The following ZNF578 variants were observed in gnomAD, a reference collection of about 807,000 sequenced individuals.
ZNF578 encodes the protein zinc finger protein 578.
In ZNF578, 8 loss-of-function variants were observed where a neutral mutation model predicts 8.3. The ratio of observed to expected loss-of-function variants is 0.96; its 90% CI spans 0.56 to 1.74. ZNF578 has a LOEUF of 1.74. Ranked by LOEUF, ZNF578 falls within the 40% of genes most tolerant of loss-of-function variation. The pLI is 0.00. For missense variants in ZNF578, 726 were observed against 707.5 expected (o/e 1.03, Z -0.30); for synonymous variants, 206 against 232.2 (o/e 0.89, Z 1.03).
intron 1 of ZNF578, chr19:52,454,720 G>T (rs1025355208): frequency 1.3e-5 from 2 of 152,202 alleles, no homozygotes; most frequent in African/African-American, 2.4e-5. Context: ...TACTACTTGT[G>T]TACAGCTTCT....
rs2059461571 is a variant in ZNF578 at position 52,513,898 on chromosome 19, AC to A, written c.*1746del. 6.6e-6 allele frequency among the ~76,000 whole-genome samples: 1 copy of A among 152,006 alleles called. No individual in the cohort carries two copies. The highest frequency in any genetic ancestry group is 2.1e-4 in the South Asian group (1 of 4,824). ...AAGTTAGCCAGGGGTGGGGGTGTGC[AC>A]CTTTAGTTCCAGCTACTTGGGACAC... is the stretch of plus-strand genomic sequence containing the variant. On this transcript the variant is annotated 3_prime_UTR_variant, in exon 6 of 6. Coordinates refer to ENST00000421239, the MANE Select transcript of ZNF578 (RefSeq NM_001099694.2).
At chr19:52,471,455 C>G (rs2059291550) in intron 2 of ZNF578, among the ~76,000 whole-genome samples, 1 of 152,186 alleles carries the variant, frequency 6.6e-6, no homozygotes, top group Non-Finnish European at 1.5e-5. Flanking sequence ...AATACAATTA[C>G]TAACACATTT....
chr19:52,504,900 T>A (rs200789904), intron 5 of ZNF578, 119 bp downstream of exon 5: 13 of 665,738 alleles, frequency 2.0e-5, no homozygotes, highest in South Asian at 6.9e-5. Flanking sequence ...TGATTGTTTG[T>A]TTGGTTTGAG....
chr19:52,472,451 T>G (rs1413651380), intron 2 of ZNF578, among the ~76,000 whole-genome samples: 1 of 152,230 alleles, frequency 6.6e-6, no homozygotes, highest in African/African-American at 2.4e-5. Flanking sequence ...CTCTCTACTC[T>G]GATATAACTG....
chr19:52,514,493 T>C lies in ZNF578; in HGVS notation c.*2339T>C, dbSNP rs1373586041. On this transcript the variant is annotated 3_prime_UTR_variant, in exon 6 of 6. Transcript: ENST00000421239. Reference sequence around the variant, plus strand: ...GACCTTTTAAATAAACATCAAAATGTAGTTTAAGCAGTTAGTCTGTTTTTC... The same window carrying C: ...GACCTTTTAAATAAACATCAAAATGCAGTTTAAGCAGTTAGTCTGTTTTTC... Among the ~76,000 whole-genome samples, 1 of 152,206 alleles carries C rather than the reference T, an allele frequency of 6.6e-6. No individual in the cohort carries two copies. Among genetic ancestry groups the C allele is most frequent in the Non-Finnish European group, 1.5e-5 (1 of 68,034 alleles).
Position 52,511,086 on chromosome 19 carries a change from G to A in ZNF578, c.705G>A (p.Glu235=), listed in dbSNP as rs777931302. The A allele has an allele frequency of 1.7e-5, 28 of 1,614,046 alleles. 1 individual carries two copies. The South Asian group carries it at 3.1e-4, about 18-fold the overall frequency. ...HMREKSFQCN[E]TGEAFNCSSF... ...GAGAAAAATCTTTCCAATGTAATGA[G>A]ACTGGCGAAGCCTTTAATTGTAGCT... Residue 235 remains glutamate (E), a synonymous_variant, in exon 6 of 6, where the codon GAG becomes GAA. Coordinates refer to ENST00000421239, the MANE Select transcript of ZNF578 (RefSeq NM_001099694.2).
chr19:52,514,476 A>C lies in ZNF578; in HGVS notation c.*2322A>C, dbSNP rs2059464487. ...TTGGTAAAGATGTCAGTGACCTTTT[A>C]AATAAACATCAAAATGTAGTTTAAG... On this transcript the variant is annotated 3_prime_UTR_variant, in exon 6 of 6. Coordinates refer to ENST00000421239, the MANE Select transcript of ZNF578 (RefSeq NM_001099694.2). 6.6e-6 allele frequency among the ~76,000 whole-genome samples: 1 copy of C among 152,212 alleles called. No homozygotes were observed. Among genetic ancestry groups the C allele is most frequent in the South Asian group, 2.1e-4 (1 of 4,832 alleles).
chr19:52,470,771 T>C (rs7247289), intron 2 of ZNF578, among the ~76,000 whole-genome samples: 136,178 of 151,866 alleles, frequency 0.9, 61,645 homozygotes, highest in Non-Finnish European at 0.96. Flanking sequence ...CTTCGGACTC[T>C]GAGGCTTGCA....
At chr19:52,504,338 A>G (rs565280243) in intron 4 of ZNF578, among the ~76,000 whole-genome samples, 6 of 152,076 alleles carry the variant, frequency 3.9e-5, no homozygotes, top group South Asian at 4.2e-4. Flanking sequence ...TAATCTGCCC[A>G]CCTTGGCCTC....
Position 52,513,701 on chromosome 19 carries a change from G to A in ZNF578, c.*1547G>A, listed in dbSNP as rs2059460241. ...GCCGAGATCGTGCCACTGCACTCCAGGCTGGGCGACAGAGTGAGAGTCTGT... is the reference window on the plus strand; with the variant it reads ...GCCGAGATCGTGCCACTGCACTCCAAGCTGGGCGACAGAGTGAGAGTCTGT... On this transcript the variant is annotated 3_prime_UTR_variant, in exon 6 of 6. Coordinates refer to ENST00000421239, the MANE Select transcript of ZNF578 (RefSeq NM_001099694.2). Among the ~76,000 whole-genome samples, 2 of 150,018 alleles carry A rather than the reference G, an allele frequency of 1.3e-5. No homozygotes were observed. Among genetic ancestry groups the A allele is most frequent in the African/African-American group, 2.5e-5 (1 of 40,604 alleles).
chr19:52,464,857 A>G (rs1431500167), intron 2 of ZNF578, among the ~76,000 whole-genome samples: 1 of 152,196 alleles, frequency 6.6e-6, no homozygotes, highest in African/African-American at 2.4e-5. Flanking sequence ...AATTTTTTCA[A>G]AATCTGCCTC....
chr19:52,480,903 A>G (rs774367867), intron 2 of ZNF578, among the ~76,000 whole-genome samples: 14 of 48,358 alleles, frequency 2.9e-4, no homozygotes, highest in African/African-American at 2.4e-3. Context: ...CTCAAAAGAT[A>G]ATAATAATAA....
chr19:52,512,310 C>T lies in ZNF578; in HGVS notation c.*156C>T. 6.5e-7 allele frequency: 1 copy of T among 1,544,546 alleles called. No individual in the cohort carries two copies. Among genetic ancestry groups the T allele is most frequent in the Non-Finnish European group, 8.9e-7 (1 of 1,117,874 alleles). On this transcript the variant is annotated 3_prime_UTR_variant, in exon 6 of 6. Coordinates refer to ENST00000421239, the MANE Select transcript of ZNF578 (RefSeq NM_001099694.2). ...GCCTTTAGTGACCAGTCAACACTTA[C>T]CATCAGGCCATTCATGGTGTAGGGA... is the stretch of plus-strand genomic sequence containing the variant.
rs138692838 is a variant in ZNF578, at chr19:52,501,324, C to T, written c.-19-503C>T. On this transcript the variant is annotated intron_variant, in intron 3 of 5. Transcript: ENST00000421239. Reference sequence around the variant, plus strand: ...TCAACCCTGGCTTCACATTAGAGTGCGGAGCATTTTGCAAATAGAGCTTTT... The same window carrying T: ...TCAACCCTGGCTTCACATTAGAGTGTGGAGCATTTTGCAAATAGAGCTTTT... 7.2e-4 allele frequency among the ~76,000 whole-genome samples: 110 copies of T among 152,336 alleles called. 1 individual carries two copies. In the East Asian group the frequency reaches 0.018, roughly 25 times the overall value.
chr19:52,492,280 G>A (rs1003903266), intron 3 of ZNF578, among the ~76,000 whole-genome samples: 2 of 151,770 alleles, frequency 1.3e-5, no homozygotes, highest in Admixed American at 1.3e-4. Context: ...GCGATTCTCT[G>A]GCCGCTGCTT....
chr19:52,455,193 C>CTTTTTTTTT (rs10607252), intron 1 of ZNF578: 12 of 98,372 alleles, frequency 1.2e-4, no homozygotes, highest in African/African-American at 3.9e-4. Flanking sequence ...GCCTTTCTAT[C>CTTTTTTTTT]TTTTTTTTTT....
intron 2 of ZNF578, among the ~76,000 whole-genome samples, chr19:52,489,104 C>T (rs188813256): frequency 6.6e-6 from 1 of 151,278 alleles, no homozygotes; most frequent in South Asian, 2.1e-4. Flanking sequence ...GTCTGCCCCC[C>T]CTAAAAAAAG....
chr19:52,487,790 C>T (rs1366175953), intron 2 of ZNF578, among the ~76,000 whole-genome samples: 3 of 152,034 alleles, frequency 2.0e-5, no homozygotes, highest in Non-Finnish European at 4.4e-5. Flanking sequence ...CCACCAAGCC[C>T]GGCTAGTTTT....
chr19:52,493,071 C>T (rs1474296759), intron 3 of ZNF578, among the ~76,000 whole-genome samples: 3 of 152,134 alleles, frequency 2.0e-5, no homozygotes, highest in African/African-American at 7.2e-5. Flanking sequence ...GGTCTTTCTG[C>T]TGTAGGGCAG....
Sources: allele counts gnomAD v4.1 joint callset (sites outside exome capture counted in the v4.1 genomes callset), GRCh38; gene constraint gnomAD v4.1.1; transcripts MANE v1.5; gene names NCBI Gene and HGNC (gene_info 2026-07-23, HGNC 2026-07-21).